The following CNOT4 variants were observed in gnomAD, a reference collection of about 807,000 sequenced individuals.
CNOT4 encodes the protein CCR4-NOT transcription complex subunit 4, also known as CCR4-associated factor 4.
In CNOT4, 8 loss-of-function variants were observed where a neutral mutation model predicts 73.8. The observed-to-expected ratio is 0.11, with a 90% CI of 0.06 to 0.20. The LOEUF is 0.20. Ranked by LOEUF, CNOT4 falls within the 10% of genes least tolerant of loss-of-function variation. The pLI is 1.00. For missense variants in CNOT4, 564 were observed against 883.4 expected (o/e 0.64, Z 4.58); for synonymous variants, 293 against 321.1 (o/e 0.91, Z 0.94).
At chr7:135,506,531 A>G (rs1804377723) in intron 1 of CNOT4, among the ~76,000 whole-genome samples, 1 of 152,220 alleles carries the variant, frequency 6.6e-6, no homozygotes, top group South Asian at 2.1e-4. Context: ...TATTTAATTG[A>G]GTACTATTTG....
At position 135,469,079 on chromosome 7, in the gene CNOT4, G is replaced by C. The variant is rs77269899; in HGVS notation, c.-92-30656C>G. 2.3e-3 allele frequency among the ~76,000 whole-genome samples: 344 copies of C among 152,180 alleles called. 13 individuals are homozygous for C. In the East Asian group the frequency reaches 0.055, roughly 24 times the overall value. ...AAGTTTGACAAATAATCTGTCAGGAGGATAGATAATTATTGATGATGATAA... is the reference window on the plus strand; with the variant it reads ...AAGTTTGACAAATAATCTGTCAGGACGATAGATAATTATTGATGATGATAA... On this transcript the variant is annotated intron_variant, in intron 1 of 11. Coordinates refer to ENST00000541284, the MANE Select transcript of CNOT4 (RefSeq NM_001190850.2).
At chr7:135,484,850 T>C (rs989454138) in intron 1 of CNOT4, among the ~76,000 whole-genome samples, 1 of 152,050 alleles carries the variant, frequency 6.6e-6, no homozygotes, top group East Asian at 1.9e-4. Flanking sequence ...CTATTCACAA[T>C]TGCTCCAAAG....
chr7:135,362,823 G>T lies in CNOT4; in HGVS notation c.*62C>A. ...ATGAGAAGGGAGCTGTGGGTGGTGG[G>T]CTGAGAGGGAGAAAACAGAGTGGGA... On this transcript the variant is annotated 3_prime_UTR_variant, in exon 12 of 12. Coordinates refer to ENST00000541284, the MANE Select transcript of CNOT4 (RefSeq NM_001190850.2). 2.8e-6 allele frequency: 4 copies of T among 1,419,394 alleles called. No individual in the cohort carries two copies. The highest frequency in any genetic ancestry group is 3.0e-6 in the Non-Finnish European group (3 of 1,002,688). 87.9% of individuals were successfully genotyped at this position (1,419,394 alleles called of 1,614,324 possible). A position where few individuals can be genotyped will look rare whatever the true frequency, so the allele number is the denominator to read the frequency against.
intron 2 of CNOT4, among the ~76,000 whole-genome samples, chr7:135,431,172 G>A (rs1488000100): frequency 1.3e-5 from 2 of 152,216 alleles, no homozygotes; most frequent in Non-Finnish European, 2.9e-5. Flanking sequence ...GGCTGAGACA[G>A]AAGTACTGCT....
intron 1 of CNOT4, among the ~76,000 whole-genome samples, chr7:135,443,486 A>C (rs180944117): frequency 6.6e-6 from 1 of 152,314 alleles, no homozygotes; most frequent in Admixed American, 6.5e-5. Flanking sequence ...ACAGGACCCA[A>C]CTTCAAAACT....
chr7:135,418,347 T>G (rs1307432790), intron 3 of CNOT4, among the ~76,000 whole-genome samples: 1 of 152,218 alleles, frequency 6.6e-6, no homozygotes, highest in Non-Finnish European at 1.5e-5. Flanking sequence ...ATTATCTATA[T>G]ACTCAATATC....
chr7:135,396,350 C>T (rs1282566793), intron 8 of CNOT4, among the ~76,000 whole-genome samples: 1 of 152,096 alleles, frequency 6.6e-6, no homozygotes, highest in African/African-American at 2.4e-5. Context: ...ATCTCCTGAC[C>T]TCGTGATCCA....
intron 1 of CNOT4, among the ~76,000 whole-genome samples, chr7:135,496,891 C>T (rs914246971): frequency 3.9e-5 from 6 of 151,920 alleles, no homozygotes; most frequent in South Asian, 2.1e-4. Flanking sequence ...ACTGCAGCCT[C>T]GATCTATCAA....
chr7:135,389,814 A>AT (rs1474421152), intron 10 of CNOT4, among the ~76,000 whole-genome samples: 1 of 152,102 alleles, frequency 6.6e-6, no homozygotes, highest in African/African-American at 2.4e-5. Context: ...TTGGCAGAAT[A>AT]TTTTTTTAAA....
chr7:135,388,662 T>C, intron 10 of CNOT4: 3 of 1,344,288 alleles, frequency 2.2e-6, no homozygotes, highest in East Asian at 5.3e-5. Flanking sequence ...ACGCTAGCTG[T>C]AGGCATGAGG....
intron 1 of CNOT4, 44 bp from the exon 2 acceptor site, chr7:135,438,467 T>C (rs1799286605): frequency 3.4e-6 from 2 of 596,724 alleles, no homozygotes; most frequent in Non-Finnish European, 5.2e-6. Context: ...ACTGGAAAAA[T>C]GGCACAGTCA....
chr7:135,472,044 G>C (rs145752971), intron 1 of CNOT4, among the ~76,000 whole-genome samples: 3,376 of 152,186 alleles, frequency 0.022, 122 homozygotes, highest in African/African-American at 0.07. Flanking sequence ...GTGGTGGCAA[G>C]TGCCTGTAGC....
At chr7:135,414,296 A>C in intron 5 of CNOT4, 35 bp downstream of exon 5, 4 of 181,116 alleles carry the variant, frequency 2.2e-5, no homozygotes, top group Non-Finnish European at 4.5e-5. Flanking sequence ...CGTCTTCCTT[A>C]AAAAAAAAAA....
intron 1 of CNOT4, among the ~76,000 whole-genome samples, chr7:135,475,204 C>T (rs1177052345): frequency 1.3e-5 from 2 of 152,190 alleles, no homozygotes; most frequent in African/African-American, 2.4e-5. Flanking sequence ...AATCTCATCA[C>T]TGGAACACAA....
chr7:135,372,596 G>A (rs1416240368), intron 10 of CNOT4, among the ~76,000 whole-genome samples: 5 of 143,710 alleles, frequency 3.5e-5, no homozygotes, highest in Admixed American at 7.4e-5. Context: ...TCGCTGCGTC[G>A]CTCAGCCTGG....
chr7:135,392,593 C>G (rs1796456799), intron 10 of CNOT4, among the ~76,000 whole-genome samples: 1 of 152,070 alleles, frequency 6.6e-6, no homozygotes, highest in Admixed American at 6.6e-5. Flanking sequence ...AAGTAAGTAT[C>G]ATGTAGAAGA....
At chr7:135,503,649 A>G (rs930049927) in intron 1 of CNOT4, among the ~76,000 whole-genome samples, 1 of 152,208 alleles carries the variant, frequency 6.6e-6, no homozygotes, top group African/African-American at 2.4e-5. Context: ...AAACCAAAAT[A>G]TAACATTTTC....
At position 135,504,489 on chromosome 7, in the gene CNOT4, T is replaced by A. The variant is rs868484614; in HGVS notation, c.-93+5400A>T. On this transcript the variant is annotated intron_variant, in intron 1 of 11. Transcript: ENST00000541284. ...TTTTTTTTTTTTTTTTTTTTTTTTT[T>A]ATTTTTATTTTTTTTGAGACGGAGT... Among the ~76,000 whole-genome samples the A allele has an allele frequency of 3.0e-4, 27 of 88,958 alleles. 2 individuals carry two copies. Among genetic ancestry groups the A allele is most frequent in the East Asian group, 1.5e-3 (4 of 2,616 alleles). The allele number at this position is 88,958 out of a possible 152,430, so 58.4% of individuals were successfully genotyped here.
intron 10 of CNOT4, among the ~76,000 whole-genome samples, chr7:135,380,866 T>G (rs1795809975): frequency 6.6e-6 from 1 of 152,236 alleles, no homozygotes; most frequent in Non-Finnish European, 1.5e-5. Flanking sequence ...ATGTTATATT[T>G]ATTTATTCAT....
Sources: allele counts gnomAD v4.1 joint callset (sites outside exome capture counted in the v4.1 genomes callset), GRCh38; gene constraint gnomAD v4.1.1; transcripts MANE v1.5; gene names NCBI Gene and HGNC (gene_info 2026-07-23, HGNC 2026-07-21).